NPC1L1: variants seen among roughly 807,000 people sequenced by gnomAD.
NPC1L1 encodes NPC1-like intracellular cholesterol transporter 1.
A neutral mutation model predicts 117.0 loss-of-function variants in NPC1L1; 98 were observed. The ratio of observed to expected loss-of-function variants is 0.84; its 90% confidence interval spans 0.71 to 0.99. The LOEUF is 0.99. Ranked by LOEUF, NPC1L1 falls within the 50% of genes least tolerant of loss-of-function variation. The pLI, the probability that NPC1L1 is intolerant of heterozygous loss-of-function variation, is 0.00. For synonymous variants in NPC1L1, 729 were observed against 727.6 expected, an observed-to-expected ratio of 1.00 and a Z score of -0.03; for missense variants, 1,540 against 1,710.0, an observed-to-expected ratio of 0.90 and a Z score of 1.75.
rs1362365003 is a variant in NPC1L1, at chr7:44,535,860, A to G, written c.1963T>C (p.Ser655Pro). 6.2e-7 allele frequency: 1 copy of G among 1,613,132 alleles called. No homozygotes were observed. Among genetic ancestry groups the G allele is most frequent in the African/African-American group, 1.3e-5 (1 of 74,900 alleles). The change falls in exon 5 of 19, where the codon TCC becomes CCC. Residue 655 changes from serine to proline, a missense_variant. Coordinates refer to ENST00000381160, the MANE Select transcript of NPC1L1 (RefSeq NM_001101648.2). ...LYISLALGSY[S>P]SWSRVMVDSK... ...CTCACCATCACTCGGCTCCAGCTGG[A>G]ATAGCTGCCCAGGGCCAGAGAGATG...
At position 44,521,774 on chromosome 7, in the gene NPC1L1, G is replaced by A. The variant is rs1457245729; in HGVS notation, c.2891C>T (p.Ser964Phe). The change falls in exon 12 of 19, where the codon TCC (serine) becomes TTC (phenylalanine). Residue 964 changes from serine to phenylalanine, a missense_variant. Around this residue, in one of 3 missense-constraint regions of NPC1L1, gnomAD observed 742 missense variants for 873.6 expected, o/e 0.85. Transcript: ENST00000381160. ...AGATATATAAAGGCGGCAGCAGGAG[G>A]ACGGGGTCAGCCAGTCAATGAAGTC... ...VDDFIDWLTPSSCCRLYISGP... is the reference protein window; with the variant it reads ...VDDFIDWLTPFSCCRLYISGP... 1.9e-6 allele frequency: 3 copies of A among 1,614,172 alleles called. No individual in the cohort carries two copies.
rs1286975672 is a variant in NPC1L1 at position 44,541,327 on chromosome 7, C to T, written c.-68G>A. The T allele has an allele frequency of 4.1e-6, 6 of 1,457,550 alleles. No individual in the cohort carries two copies. Among genetic ancestry groups the T allele is most frequent in the South Asian group, 2.5e-5 (2 of 80,692 alleles). The allele number at this position is 1,457,550 out of a possible 1,614,324, so 90.3% of individuals were successfully genotyped here. ...CAGGAACAGCCAAGGGCTGAACACA[C>T]ATTAAGGCAGCCTCCTCCCCTTCGA... On this transcript the variant is annotated 5_prime_UTR_variant, in exon 1 of 19. It adds an upstream start codon to the 5' untranslated region. Coordinates refer to ENST00000381160, the MANE Select transcript of NPC1L1 (RefSeq NM_001101648.2).
At position 44,536,328 on chromosome 7, in the gene NPC1L1, C is replaced by T. The variant is rs770841650; in HGVS notation, c.1782G>A (p.Glu594=). ...PRLAQAKLWE[E]AFLEEMRAFQ... ...AGGCTCGCATTTCCTCTAAGAAGGC[C>T]TCCTCCCACAGCTTGGCCTGGGCCA... The change falls in exon 4 of 19, where the codon GAG becomes GAA. Residue 594 remains glutamate, a synonymous_variant. Coordinates refer to ENST00000381160, the MANE Select transcript of NPC1L1 (RefSeq NM_001101648.2). This position sits in a 1 kb window ranked among gnomAD's most constrained non-coding sequence, Gnocchi z 4.7. The T allele has an allele frequency of 3.1e-6, 5 of 1,614,128 alleles. No homozygotes were observed. Among genetic ancestry groups the T allele is most frequent in the Non-Finnish European group, 4.2e-6 (5 of 1,180,040 alleles).
At chr7:44,523,157 G>T (rs1329682163) in intron 10 of NPC1L1, among the ~76,000 whole-genome samples, 2 of 152,214 alleles carry the variant, frequency 1.3e-5, no homozygotes, top group African/African-American at 4.8e-5. Flanking sequence ...CTGGGTTCAA[G>T]CGATTCTTGT....
chr7:44,528,344 ATCCTCT>A (rs1195056508), intron 10 of NPC1L1, among the ~76,000 whole-genome samples: 3 of 152,192 alleles, frequency 2.0e-5, no homozygotes, highest in Non-Finnish European at 4.4e-5. Context: ...GCCTCAAGCA[ATCCTCT>A]TGCCTCCACC....
chr7:44,535,270 C>T (rs1401956646), intron 5 of NPC1L1, among the ~76,000 whole-genome samples: 1 of 151,606 alleles, frequency 6.6e-6, no homozygotes, highest in East Asian at 1.9e-4. Context: ...GAGGCTGAGG[C>T]AGGACAATTG....
chr7:44,516,310 C>A (rs1277095432), intron 16 of NPC1L1, 113 bp from the exon 17 acceptor site: 7 of 940,884 alleles, frequency 7.4e-6, no homozygotes, highest in Non-Finnish European at 1.2e-5. Flanking sequence ...CTAGACAGAA[C>A]TGGGAGTATT....
chr7:44,528,752 A>G (rs887464021), intron 10 of NPC1L1, among the ~76,000 whole-genome samples: 1 of 152,192 alleles, frequency 6.6e-6, no homozygotes, highest in African/African-American at 2.4e-5. Context: ...GTAAATGTAA[A>G]TGGATTAAAC....
chr7:44,522,255 G>A lies in NPC1L1; in HGVS notation c.2638-13C>T. On this transcript the variant is annotated splice_polypyrimidine_tract_variant and intron_variant, in intron 10 of 18. Transcript: ENST00000381160. ...GCAGGTACGAGTCCTAGGAGTGGAGGAGGGTCAGTGAGCTTTGGTTCGCTA... is the reference window on the plus strand; with the variant it reads ...GCAGGTACGAGTCCTAGGAGTGGAGAAGGGTCAGTGAGCTTTGGTTCGCTA... 1 of 1,609,364 alleles carries A rather than the reference G, an allele frequency of 6.2e-7. No individual in the cohort carries two copies. The highest frequency in any genetic ancestry group is 8.5e-7 in the Non-Finnish European group (1 of 1,178,268).
At position 44,540,121 on chromosome 7, in the gene NPC1L1, G is replaced by A. The variant is rs202170125; in HGVS notation, c.276C>T (p.Ser92=). 71 of 1,614,166 alleles carry A rather than the reference G, an allele frequency of 4.4e-5. No homozygotes were observed. The highest frequency in any genetic ancestry group is 1.1e-4 in the African/African-American group (8 of 75,040). The part of the protein sequence containing the change: ...YTGPNTQACC[S]AKQLVSLEAS... ...CTTCCAGTGATACCAGCTGCTTGGC[G>A]GAGCAGCAGGCTTGGGTGTTGGGGC... is the stretch of plus-strand genomic sequence containing the variant. The change falls in exon 2 of 19, where the codon TCC becomes TCT. Residue 92 remains serine (S), a synonymous_variant. Coordinates refer to ENST00000381160, the MANE Select transcript of NPC1L1 (RefSeq NM_001101648.2).
At chr7:44,521,207 G>T (rs1405835156) in intron 12 of NPC1L1, 89 bp from the exon 13 acceptor site, 5 of 1,573,802 alleles carry the variant, frequency 3.2e-6, no homozygotes, top group Admixed American at 3.3e-5. Flanking sequence ...TCCCATCAAA[G>T]GTCCTGGGCA....
At chr7:44,513,886 T>C (rs983699736) in intron 18 of NPC1L1, among the ~76,000 whole-genome samples, 2 of 152,166 alleles carry the variant, frequency 1.3e-5, no homozygotes, top group Non-Finnish European at 2.9e-5. Flanking sequence ...TCCAAGGCCC[T>C]GGATATCCTT....
In NPC1L1 at chr7:44,521,756, T is replaced by A; in HGVS notation, c.2909A>T (p.Tyr970Phe). 2 of 1,614,042 alleles carry A rather than the reference T, an allele frequency of 1.2e-6. No homozygotes were observed. Among genetic ancestry groups the A allele is most frequent in the Non-Finnish European group, 1.7e-6 (2 of 1,180,006 alleles). Residue 970 changes from tyrosine (Y) to phenylalanine (F), a missense_variant, in exon 12 of 19, where the codon TAT becomes TTT. Around this residue, in one of 3 missense-constraint regions of NPC1L1, gnomAD observed 742 missense variants for 873.6 expected, o/e 0.85. Coordinates refer to ENST00000381160, the MANE Select transcript of NPC1L1 (RefSeq NM_001101648.2). Reference sequence around the variant, plus strand: ...CTTGTCCTTATTGGGGCCAGATATATAAAGGCGGCAGCAGGAGGACGGGGT... The same window carrying A: ...CTTGTCCTTATTGGGGCCAGATATAAAAAGGCGGCAGCAGGAGGACGGGGT... ...WLTPSSCCRL[Y>F]ISGPNKDKFC...
intron 10 of NPC1L1, among the ~76,000 whole-genome samples, chr7:44,530,898 C>A (rs1801675883): frequency 6.6e-6 from 1 of 152,228 alleles, no homozygotes; most frequent in African/African-American, 2.4e-5. Flanking sequence ...CCTACCCCAG[C>A]CGCACCCCAC....
In NPC1L1 at chr7:44,531,747, G is replaced by A; in HGVS notation, c.2637+8C>T. ...GGGGCCTAAGGGTTGAGAAGGGCCT[G>A]GGCTCACCTTGGGCAGGGCCAGCTC... On this transcript the variant is annotated splice_region_variant and intron_variant, in intron 10 of 18. Transcript: ENST00000381160. 1 of 1,564,536 alleles carries A rather than the reference G, an allele frequency of 6.4e-7. No homozygotes were observed. Among genetic ancestry groups the A allele is most frequent in the South Asian group, 1.2e-5 (1 of 84,760 alleles).
Position 44,513,070 on chromosome 7 carries a change from A to C in NPC1L1, c.*377T>G, listed in dbSNP as rs1214781972. ...ACTGCTACGTGTTAAAGACTTACTG[A>C]CACAGAATTAAGACTTTCGAGAGAG... On this transcript the variant is annotated 3_prime_UTR_variant, in exon 19 of 19. Transcript: ENST00000381160. 5.9e-6 allele frequency: 2 copies of C among 341,262 alleles called. No homozygotes were observed. Among genetic ancestry groups the C allele is most frequent in the Non-Finnish European group, 1.1e-5 (2 of 174,312 alleles). The allele number at this position is 341,262 out of a possible 1,614,324, so 21.1% of individuals were successfully genotyped here. A position where few individuals can be genotyped will look rare whatever the true frequency, so the allele number is the denominator to read the frequency against.
At chr7:44,518,523 G>T in intron 14 of NPC1L1, 1 of 259,520 alleles carries the variant, frequency 3.9e-6, no homozygotes, top group Non-Finnish European at 7.9e-6. Context: ...ACAAAAATTA[G>T]CTGAGCATAG....
At position 44,536,032 on chromosome 7, in the gene NPC1L1, T is replaced by A. The variant is rs994684624; in HGVS notation, c.1855-64A>T. ...CTGCTTCAGCCAGGCCAGCTCTCAA[T>A]AGCTCGGTCACTGGGCACTAATTGT... is the stretch of plus-strand genomic sequence containing the variant. On this transcript the variant is annotated intron_variant, in intron 4 of 18. Coordinates refer to ENST00000381160, the MANE Select transcript of NPC1L1 (RefSeq NM_001101648.2). The surrounding 1 kb of genome is among the most constrained non-coding windows in gnomAD (Gnocchi z 4.7). 6.2e-7 allele frequency: 1 copy of A among 1,611,076 alleles called. No homozygotes were observed. The highest frequency in any genetic ancestry group is 1.7e-5 in the Admixed American group (1 of 59,932).
Position 44,539,446 on chromosome 7 carries a change from CA to C in NPC1L1, c.950del (p.Val317GlyfsTer37), listed in dbSNP as rs762965712. 9 of 1,613,882 alleles carry C rather than the reference CA, an allele frequency of 5.6e-6. No homozygotes were observed. The African/African-American group carries it at 1.2e-4, about 22-fold the overall frequency. ...VAPARDKSKM[V>X]DPKKGTSLSD... ...AGAGGCTGGTGCCCTTCTTGGGGTC[CA>C]CCATCTTGCTTTTGTCCCTGGCGGG... is the stretch of plus-strand genomic sequence containing the variant. On this transcript the variant is annotated frameshift_variant, in exon 2 of 19. Coordinates refer to ENST00000381160, the MANE Select transcript of NPC1L1 (RefSeq NM_001101648.2). LOFTEE classifies it high-confidence loss of function. The surrounding 1 kb of genome is among the most constrained non-coding windows in gnomAD (Gnocchi z 4.4).
Sources: allele counts gnomAD v4.1 joint callset (sites outside exome capture counted in the v4.1 genomes callset), GRCh38; gene constraint gnomAD v4.1.1; regional missense constraint gnomAD v4.1.1; non-coding constraint Gnocchi (gnomAD v3.1); transcripts MANE v1.5; gene names NCBI Gene and HGNC (gene_info 2026-07-23, HGNC 2026-07-21).